ZBTB20: variants seen among roughly 807,000 people sequenced by gnomAD.
ZBTB20 encodes the protein zinc finger and BTB domain containing 20, also known as zinc finger and BTB domain-containing protein 20.
ZBTB20 carries 9 observed loss-of-function variants against 56.9 expected under a neutral mutation model. The ratio of observed to expected loss-of-function variants is 0.16; its 90% CI spans 0.10 to 0.28. The LOEUF (loss-of-function observed/expected upper bound fraction) is 0.28, where lower values mean the gene tolerates loss of function less well. Ranked by LOEUF, ZBTB20 falls within the 10% of genes least tolerant of loss-of-function variation. The probability of loss-of-function intolerance (pLI) is 1.00; values close to 1 mark genes in which losing one functional copy is unlikely to be tolerated. For synonymous variants in ZBTB20, 417 were observed against 420.7 expected (o/e 0.99, Z 0.11); for missense variants, 655 against 1,003.0 (o/e 0.65, Z 4.69).
chr3:114,566,007 T>C (rs1048009782), intron 6 of ZBTB20, among the ~76,000 whole-genome samples: 4 of 146,448 alleles, frequency 2.7e-5, no homozygotes, highest in African/African-American at 8.0e-5. Flanking sequence ...ATTTTTTCTT[T>C]TTTTTTCTTT....
At chr3:114,945,482 T>C (rs1274560624) in intron 3 of ZBTB20, among the ~76,000 whole-genome samples, 2 of 145,034 alleles carry the variant, frequency 1.4e-5, no homozygotes, top group African/African-American at 2.8e-5. Context: ...TAATTATTCA[T>C]TGAAAAGAGA....
intron 6 of ZBTB20, among the ~76,000 whole-genome samples, chr3:114,667,285 T>TA (rs2061114623): frequency 6.6e-6 from 1 of 152,030 alleles, no homozygotes; most frequent in Non-Finnish European, 1.5e-5. Context: ...AAATAACTTT[T>TA]AAAAAATATG....
At chr3:114,731,292 T>C (rs1370982928) in intron 5 of ZBTB20, among the ~76,000 whole-genome samples, 1 of 152,188 alleles carries the variant, frequency 6.6e-6, no homozygotes, top group Non-Finnish European at 1.5e-5. Flanking sequence ...TTTAAATTTC[T>C]TGTACTGGGT....
At chr3:115,124,721 C>T (rs977729478) in intron 1 of ZBTB20, among the ~76,000 whole-genome samples, 14 of 151,980 alleles carry the variant, frequency 9.2e-5, no homozygotes, top group African/African-American at 1.5e-4. Context: ...AGAGCTGGCA[C>T]GGCAAATCAC....
At chr3:114,807,971 T>A (rs1309515232) in intron 4 of ZBTB20, among the ~76,000 whole-genome samples, 1 of 152,078 alleles carries the variant, frequency 6.6e-6, no homozygotes, top group Non-Finnish European at 1.5e-5. Flanking sequence ...GATGTCTTTG[T>A]CTGGCTTTGC....
intron 3 of ZBTB20, among the ~76,000 whole-genome samples, chr3:114,929,944 T>C (rs2076295062): frequency 6.6e-6 from 1 of 152,262 alleles, no homozygotes; most frequent in Admixed American, 6.5e-5. Flanking sequence ...GTTTCCCTTA[T>C]TCTTACTTGA....
intron 6 of ZBTB20, among the ~76,000 whole-genome samples, chr3:114,668,993 CA>C (rs2061210857): frequency 1.3e-5 from 2 of 152,022 alleles, no homozygotes; most frequent in Admixed American, 1.3e-4. Flanking sequence ...AAGTGAACAA[CA>C]ACAACAAAAC....
chr3:114,574,502 T>C (rs1405177796), intron 6 of ZBTB20, among the ~76,000 whole-genome samples: 4 of 152,242 alleles, frequency 2.6e-5, no homozygotes. Flanking sequence ...TTATACTTTT[T>C]CATGTTTATT....
intron 11 of ZBTB20, among the ~76,000 whole-genome samples, chr3:114,341,764 C>A (rs1157137317): frequency 6.6e-6 from 1 of 152,144 alleles, no homozygotes; most frequent in Non-Finnish European, 1.5e-5. Context: ...GGGTTTATTT[C>A]ATTTTCTGTA....
At chr3:115,090,532 T>C (rs1446206351) in intron 1 of ZBTB20, among the ~76,000 whole-genome samples, 1 of 151,750 alleles carries the variant, frequency 6.6e-6, no homozygotes, top group Non-Finnish European at 1.5e-5. Flanking sequence ...GAGATAACAT[T>C]TTAAGTCATC....
At chr3:115,133,189 G>C (rs2084556944) in intron 1 of ZBTB20, among the ~76,000 whole-genome samples, 1 of 152,066 alleles carries the variant, frequency 6.6e-6, no homozygotes, top group African/African-American at 2.4e-5. Flanking sequence ...AGTAGCATCT[G>C]CTTTCTACTT....
At chr3:114,453,768 T>A (rs1206856518) in intron 7 of ZBTB20, 1 of 152,138 alleles carries the variant, frequency 6.6e-6, no homozygotes, top group Non-Finnish European at 1.5e-5. Flanking sequence ...CATGTACATA[T>A]ATGTATATAT....
At chr3:114,557,039 T>C (rs889404113) in intron 6 of ZBTB20, among the ~76,000 whole-genome samples, 2 of 152,018 alleles carry the variant, frequency 1.3e-5, no homozygotes, top group Non-Finnish European at 2.9e-5. Flanking sequence ...TACCTGATTA[T>C]CTTCTCTGGA....
chr3:115,135,034 A>G (rs1170757784), intron 1 of ZBTB20, among the ~76,000 whole-genome samples: 2 of 152,214 alleles, frequency 1.3e-5, no homozygotes, highest in African/African-American at 4.8e-5. Context: ...ATGGATAAAT[A>G]TTGATCTCCT....
chr3:115,121,078 G>A (rs1212135449), intron 1 of ZBTB20, among the ~76,000 whole-genome samples: 1 of 152,036 alleles, frequency 6.6e-6, no homozygotes, highest in East Asian at 1.9e-4. Context: ...GTGCTTTAAT[G>A]CCTGGACTGA....
At chr3:114,476,810 T>C (rs1011115347) in intron 7 of ZBTB20, among the ~76,000 whole-genome samples, 2 of 152,174 alleles carry the variant, frequency 1.3e-5, no homozygotes, top group Non-Finnish European at 2.9e-5. Flanking sequence ...ATATGATAAA[T>C]ATCTTGTGCA....
At chr3:114,650,070 T>C (rs1024939919) in intron 6 of ZBTB20, among the ~76,000 whole-genome samples, 1 of 151,970 alleles carries the variant, frequency 6.6e-6, no homozygotes, top group Non-Finnish European at 1.5e-5. Flanking sequence ...AAGAGTATCA[T>C]GAAAGATTTT....
intron 4 of ZBTB20, among the ~76,000 whole-genome samples, chr3:114,805,892 T>TGTTG (rs1261703837): frequency 6.6e-6 from 1 of 151,870 alleles, no homozygotes; most frequent in African/African-American, 2.4e-5. Flanking sequence ...AATTCATTTT[T>TGTTG]AAGATTCTTT....
At chr3:114,368,070 T>C (rs529874978) in intron 10 of ZBTB20, among the ~76,000 whole-genome samples, 1 of 152,300 alleles carries the variant, frequency 6.6e-6, no homozygotes, top group South Asian at 2.1e-4. Flanking sequence ...TAGCCGACAC[T>C]CAAATTCACG....
Sources: allele counts gnomAD v4.1 joint callset (sites outside exome capture counted in the v4.1 genomes callset), GRCh38; gene constraint gnomAD v4.1.1; transcripts MANE v1.5; gene names NCBI Gene and HGNC (gene_info 2026-07-23, HGNC 2026-07-21).